PDE4D: variants seen among roughly 807,000 people sequenced by gnomAD.
PDE4D encodes the protein phosphodiesterase 4D.
In PDE4D, 24 loss-of-function variants were observed where a neutral mutation model predicts 87.4. The observed-to-expected ratio is 0.27, with a 90% CI of 0.20 to 0.39. PDE4D has a LOEUF of 0.39. Ranked by LOEUF, PDE4D falls within the 10% of genes least tolerant of loss-of-function variation. The pLI is 1.00. For missense variants in PDE4D, 714 were observed against 1,041.0 expected (o/e 0.69, Z 4.32); for synonymous variants, 384 against 383.2 (o/e 1.00, Z -0.02).
intron 1 of PDE4D, among the ~76,000 whole-genome samples, chr5:60,306,266 T>C (rs759317585): frequency 2.0e-5 from 3 of 152,112 alleles, no homozygotes; most frequent in Non-Finnish European, 2.9e-5. Flanking sequence ...TTACAAACTA[T>C]TTTAAAGTTA....
chr5:59,976,315 T>C (rs370378516), intron 3 of PDE4D, among the ~76,000 whole-genome samples: 1 of 152,182 alleles, frequency 6.6e-6, no homozygotes, highest in Non-Finnish European at 1.5e-5. Flanking sequence ...AAATCTCATG[T>C]TGAGATTTGA....
chr5:60,146,709 A>C (rs1482968552), intron 2 of PDE4D, among the ~76,000 whole-genome samples: 3 of 152,250 alleles, frequency 2.0e-5, no homozygotes, highest in Admixed American at 1.3e-4. Flanking sequence ...AATAACAAAA[A>C]ATATTTGCAT....
intron 2 of PDE4D, among the ~76,000 whole-genome samples, chr5:60,173,109 A>C (rs932517422): frequency 2.0e-5 from 3 of 152,258 alleles, no homozygotes; most frequent in Admixed American, 2.0e-4. Context: ...TCTCTCCAGT[A>C]GGCACATGGT....
At chr5:59,725,349 T>C (rs79292069) in intron 1 of PDE4D, among the ~76,000 whole-genome samples, 3,025 of 152,234 alleles carry the variant, frequency 0.02, 74 homozygotes, top group African/African-American at 0.059. Flanking sequence ...CTATGCATCT[T>C]ATTAACCTAG....
intron 1 of PDE4D, among the ~76,000 whole-genome samples, chr5:59,750,753 T>G (rs777742746): frequency 3.6e-4 from 55 of 151,866 alleles, no homozygotes; most frequent in Admixed American, 3.6e-3. Context: ...CTGGGCAACA[T>G]AGTGAGACCC....
rs188877512 is a variant in PDE4D at position 59,380,432 on chromosome 5, T to C, written c.456-164464A>G. Among the ~76,000 whole-genome samples the C allele has an allele frequency of 7.9e-3, 1,009 of 127,470 alleles. 2 individuals are homozygous for C. The highest frequency in any genetic ancestry group is 0.013 in the Middle Eastern group (3 of 230). 83.6% of individuals were successfully genotyped at this position (127,470 alleles called of 152,430 possible). ...GAGAGAGAAAGAAGTGAGAAAGAAGTAGGAAAAAAAGAAGAAAGACATGTG... is the reference window on the plus strand; with the variant it reads ...GAGAGAGAAAGAAGTGAGAAAGAAGCAGGAAAAAAAGAAGAAAGACATGTG... On this transcript the variant is annotated intron_variant, in intron 1 of 14. Transcript: ENST00000340635.
intron 1 of PDE4D, among the ~76,000 whole-genome samples, chr5:59,542,376 A>G (rs562608298): frequency 3.4e-4 from 52 of 152,202 alleles, no homozygotes; most frequent in Non-Finnish European, 7.3e-4. Flanking sequence ...GAGGAAGGGC[A>G]AAAAGAGGCC....
rs543652608 is a variant in PDE4D, at chr5:60,200,955, C to T, written c.-89-15268G>A. ...TCCTGATTTTTAAGATTTAATAAAA[C>T]GGGACCAAAAGTCATATCTTTCTCA... On this transcript the variant is annotated intron_variant, in intron 1 of 16. Transcript: ENST00000502484. Among the ~76,000 whole-genome samples the T allele has an allele frequency of 7.9e-5, 12 of 152,122 alleles. No individual in the cohort carries two copies. The East Asian group carries it at 1.4e-3, about 17-fold the overall frequency.
At chr5:59,280,909 C>T (rs1304825279) in intron 1 of PDE4D, among the ~76,000 whole-genome samples, 1 of 151,966 alleles carries the variant, frequency 6.6e-6, no homozygotes, top group Non-Finnish European at 1.5e-5. Flanking sequence ...AATATGCTTC[C>T]TAGCATTCTG....
intron 1 of PDE4D, among the ~76,000 whole-genome samples, chr5:60,487,314 T>C (rs1749226760): frequency 6.6e-6 from 1 of 152,244 alleles, no homozygotes; most frequent in African/African-American, 2.4e-5. Context: ...TTTATAAGGC[T>C]TTTTTACAAC....
intron 1 of PDE4D, among the ~76,000 whole-genome samples, chr5:59,522,830 C>G (rs1812476297): frequency 6.6e-6 from 1 of 152,100 alleles, no homozygotes; most frequent in African/African-American, 2.4e-5. Context: ...TAGAATTATC[C>G]TTAAAAGGGA....
chr5:59,334,967 C>T (rs1038206452), intron 1 of PDE4D, among the ~76,000 whole-genome samples: 2 of 151,992 alleles, frequency 1.3e-5, no homozygotes, highest in African/African-American at 4.8e-5. Flanking sequence ...TTGGCTAATT[C>T]CTATTCACTC....
At chr5:60,090,452 GA>G (rs150295162) in intron 2 of PDE4D, among the ~76,000 whole-genome samples, 7,873 of 152,226 alleles carry the variant, frequency 0.052, 638 homozygotes, top group African/African-American at 0.17. Flanking sequence ...AATAGATGCT[GA>G]AAAAGCATTT....
intron 2 of PDE4D, among the ~76,000 whole-genome samples, chr5:60,175,414 A>G (rs1307639467): frequency 6.6e-6 from 1 of 152,132 alleles, no homozygotes; most frequent in East Asian, 1.9e-4. Flanking sequence ...TGTGTCCCAT[A>G]TATCACATGT....
intron 5 of PDE4D, among the ~76,000 whole-genome samples, chr5:59,167,796 A>G (rs1021119261): frequency 1.3e-5 from 2 of 152,158 alleles, no homozygotes; most frequent in African/African-American, 2.4e-5. Context: ...CCTCTAGAGT[A>G]ATGGTCCTGA....
intron 2 of PDE4D, among the ~76,000 whole-genome samples, chr5:60,174,695 G>A (rs990603673): frequency 6.6e-6 from 1 of 151,928 alleles, no homozygotes; most frequent in Non-Finnish European, 1.5e-5. Flanking sequence ...TGGGTTACTG[G>A]GTTTTGTTTT....
intron 1 of PDE4D, among the ~76,000 whole-genome samples, chr5:59,386,416 A>G (rs1329031132): frequency 2.6e-5 from 4 of 152,144 alleles, no homozygotes; most frequent in Non-Finnish European, 4.4e-5. Flanking sequence ...AGCTTTAAAT[A>G]TACTAATTGG....
chr5:59,554,535 G>A (rs1006127011), intron 1 of PDE4D, among the ~76,000 whole-genome samples: 18 of 152,074 alleles, frequency 1.2e-4, no homozygotes, highest in African/African-American at 4.3e-4. Context: ...TAAATTTGGC[G>A]AGCAATATCT....
intron 2 of PDE4D, among the ~76,000 whole-genome samples, chr5:60,174,424 A>C (rs527938936): frequency 9.9e-5 from 15 of 152,226 alleles, no homozygotes; most frequent in African/African-American, 3.6e-4. Context: ...AAAAAGGAGA[A>C]ATAGAAGAGA....
Sources: gnomAD v4.1 joint callset for allele counts (sites outside exome capture counted in the v4.1 genomes callset) on GRCh38, gnomAD v4.1.1 for gene constraint, MANE v1.5 for transcripts, NCBI Gene and HGNC (gene_info 2026-07-23, HGNC 2026-07-21) for gene names.